The following MARK3 variants were observed in gnomAD, a reference collection of about 807,000 sequenced individuals.
MARK3 encodes MAP/microtubule affinity-regulating kinase 3.
A neutral mutation model predicts 90.1 loss-of-function variants in MARK3; 46 were observed. The observed-to-expected ratio is 0.51, with a 90% CI of 0.40 to 0.65. The LOEUF is 0.65. Among genes scored for constraint, MARK3 ranks in the 30% least tolerant of loss-of-function variants. The pLI, the probability that MARK3 is intolerant of heterozygous loss-of-function variation, is 0.00. For missense variants in MARK3, 818 were observed against 947.2 expected (o/e 0.86, Z 1.79); for synonymous variants, 321 against 332.6 (o/e 0.97, Z 0.38).
intron 2 of MARK3, among the ~76,000 whole-genome samples, chr14:103,425,347 T>C (rs548096734): frequency 8.5e-5 from 13 of 152,132 alleles, no homozygotes; most frequent in African/African-American, 3.1e-4. Flanking sequence ...ATAACCTCCG[T>C]TTCCAGGTTT....
chr14:103,474,495 C>T (rs79427537), intron 12 of MARK3, among the ~76,000 whole-genome samples: 386 of 152,344 alleles, frequency 2.5e-3, no homozygotes, highest in Non-Finnish European at 4.6e-3. Context: ...ACACCTTCCC[C>T]TGTCTACTCA....
chr14:103,420,812 T>G (rs1203355420), intron 2 of MARK3, among the ~76,000 whole-genome samples: 2 of 152,192 alleles, frequency 1.3e-5, no homozygotes, highest in Non-Finnish European at 2.9e-5. Flanking sequence ...TGCACATCCC[T>G]AGTTGAGGTT....
At position 103,468,806 on chromosome 14, in the gene MARK3, T is replaced by A. The variant is rs975969618; in HGVS notation, c.1264+620T>A. Among the ~76,000 whole-genome samples the A allele has an allele frequency of 4.3e-3, 654 of 150,898 alleles. 3 individuals are homozygous for A. Among genetic ancestry groups the A allele is most frequent in the Non-Finnish European group, 7.2e-3 (490 of 67,638 alleles). ...TAGTTTTCCTTTTTTTTTTTTTTTT[T>A]AAATGGAGATGGGGGTCTCGCTATG... On this transcript the variant is annotated intron_variant, in intron 12 of 17. Transcript: ENST00000429436.
At chr14:103,405,473 C>T (rs962409501) in intron 2 of MARK3, among the ~76,000 whole-genome samples, 2 of 152,130 alleles carry the variant, frequency 1.3e-5, no homozygotes, top group African/African-American at 2.4e-5. Flanking sequence ...GCCTCAGCCT[C>T]CCGAGTAGCT....
chr14:103,452,656 A>G (rs1225542872), intron 5 of MARK3, among the ~76,000 whole-genome samples: 1 of 151,026 alleles, frequency 6.6e-6, no homozygotes, highest in Non-Finnish European at 1.5e-5. Context: ...TATTTTTAGT[A>G]GAGACGGGGT....
rs562767314 is a variant in MARK3, at chr14:103,425,918, A to G, written c.244-2469A>G. Among the ~76,000 whole-genome samples the G allele has an allele frequency of 5.3e-5, 8 of 152,286 alleles. No individual in the cohort carries two copies. The South Asian group carries it at 1.0e-3, about 20-fold the overall frequency. The stretch of plus-strand genomic sequence containing the variant: ...TCTGGAGGTTATAGACTCATAGGGA[A>G]TAAATAATGTGGTCAGGTGGAGGCT... On this transcript the variant is annotated intron_variant, in intron 2 of 17. Transcript: ENST00000429436.
At chr14:103,493,279 C>A (rs560539635) in intron 15 of MARK3, among the ~76,000 whole-genome samples, 41 of 98,162 alleles carry the variant, frequency 4.2e-4, no homozygotes, top group African/African-American at 1.4e-3. Context: ...TTTTTTGAGA[C>A]GGAGTCTCAC....
At chr14:103,482,881 T>C (rs1166586167) in intron 14 of MARK3, among the ~76,000 whole-genome samples, 1 of 152,214 alleles carries the variant, frequency 6.6e-6, no homozygotes, top group African/African-American at 2.4e-5. Flanking sequence ...TCGTTGCTTC[T>C]CTTAGCATCA....
intron 1 of MARK3, among the ~76,000 whole-genome samples, chr14:103,398,858 T>C (rs1421848728): frequency 6.6e-6 from 1 of 152,258 alleles, no homozygotes; most frequent in African/African-American, 2.4e-5. Context: ...TTTTTGTTTT[T>C]TAACATTTGG....
intron 4 of MARK3, 90 bp from the exon 5 acceptor site, chr14:103,451,828 G>T: frequency 1.2e-6 from 1 of 810,762 alleles, no homozygotes; most frequent in East Asian, 2.8e-5. Context: ...CAGGGAAAAG[G>T]TTGCTTTTCA....
chr14:103,448,428 C>T (rs766716062), intron 3 of MARK3, among the ~76,000 whole-genome samples: 1 of 152,156 alleles, frequency 6.6e-6, no homozygotes, highest in Non-Finnish European at 1.5e-5. Context: ...GCTAAGTTAC[C>T]TATATTCTCC....
At chr14:103,411,496 A>G (rs2091627474) in intron 2 of MARK3, among the ~76,000 whole-genome samples, 1 of 152,058 alleles carries the variant, frequency 6.6e-6, no homozygotes, top group African/African-American at 2.4e-5. Flanking sequence ...ATAAATTCTC[A>G]TATGTGTCCT....
intron 14 of MARK3, among the ~76,000 whole-genome samples, chr14:103,483,823 G>T (rs2093871669): frequency 6.6e-6 from 1 of 152,226 alleles, no homozygotes; most frequent in Admixed American, 6.5e-5. Flanking sequence ...GAGAAGGTTT[G>T]ATTACACCTT....
chr14:103,493,513 T>C (rs1218484299), intron 15 of MARK3, among the ~76,000 whole-genome samples: 1 of 152,092 alleles, frequency 6.6e-6, no homozygotes, highest in East Asian at 1.9e-4. Context: ...GGGACACCCA[T>C]TCATGACCAG....
intron 3 of MARK3, among the ~76,000 whole-genome samples, chr14:103,443,728 G>A (rs1217272539): frequency 6.6e-6 from 1 of 152,140 alleles, no homozygotes; most frequent in East Asian, 1.9e-4. Flanking sequence ...GTTCCTTTGA[G>A]TCTTTCCAGA....
chr14:103,407,062 T>C (rs1463085893), intron 2 of MARK3, among the ~76,000 whole-genome samples: 1 of 152,098 alleles, frequency 6.6e-6, no homozygotes, highest in African/African-American at 2.4e-5. Flanking sequence ...CTCGATCTCA[T>C]CTCGTGATCC....
rs36012703 is a variant in MARK3, at chr14:103,418,219, CTTT to C, written c.244-10147_244-10145del. Among the ~76,000 whole-genome samples, 81 of 61,636 alleles carry C rather than the reference CTTT, an allele frequency of 1.3e-3. 1 individual carries two copies. Among genetic ancestry groups the C allele is most frequent in the East Asian group, 3.0e-3 (6 of 1,994 alleles). The allele number at this position is 61,636 out of a possible 152,430, so 40.4% of individuals were successfully genotyped here. On this transcript the variant is annotated intron_variant, in intron 2 of 17. Coordinates refer to ENST00000429436, the MANE Select transcript of MARK3 (RefSeq NM_001128918.3). ...GCTGACTCCCTGAGAATAGTAAAGG[CTTT>C]TTTTTTTTTTTTTTTTTTTTAGCTC... is the stretch of plus-strand genomic sequence containing the variant.
At position 103,385,953 on chromosome 14, in the gene MARK3, G is replaced by T. The variant is rs1045364847; in HGVS notation, c.-77G>T. 1 of 1,226,384 alleles carries T rather than the reference G, an allele frequency of 8.2e-7. No homozygotes were observed. Among genetic ancestry groups the T allele is most frequent in the East Asian group, 2.3e-5 (1 of 43,046 alleles). The allele number at this position is 1,226,384 out of a possible 1,614,324, so 76.0% of individuals were successfully genotyped here. ...TTTTCGGAACTGCCGTGGACTCGAGGACGCTGGTCGCCGGCCTCCTAGGGC... is the reference window on the plus strand; with the variant it reads ...TTTTCGGAACTGCCGTGGACTCGAGTACGCTGGTCGCCGGCCTCCTAGGGC... On this transcript the variant is annotated 5_prime_UTR_variant, in exon 1 of 18. Transcript: ENST00000429436.
At chr14:103,453,020 T>C (rs1952559605) in intron 5 of MARK3, among the ~76,000 whole-genome samples, 2 of 152,240 alleles carry the variant, frequency 1.3e-5, no homozygotes, top group Non-Finnish European at 2.9e-5. Context: ...TTAATGTCGC[T>C]GGTGTCTGTC....
Sources: allele counts gnomAD v4.1 joint callset (sites outside exome capture counted in the v4.1 genomes callset), GRCh38; gene constraint gnomAD v4.1.1; transcripts MANE v1.5; gene names NCBI Gene and HGNC (gene_info 2026-07-23, HGNC 2026-07-21).